The following RBMS3 variants were observed in gnomAD, a reference collection of about 807,000 sequenced individuals.
RBMS3 encodes RNA binding motif single stranded interacting protein 3, also known as RNA-binding motif, single-stranded-interacting protein 3.
In RBMS3, 27 loss-of-function variants were observed where a neutral mutation model predicts 66.8. The observed-to-expected ratio is 0.40, with a 90% CI of 0.30 to 0.56. The LOEUF is 0.56. Among genes scored for constraint, RBMS3 ranks in the 20% least tolerant of loss-of-function variants. RBMS3 has a pLI of 0.40. For missense variants in RBMS3, 513 were observed against 549.5 expected (o/e 0.93, Z 0.66); for synonymous variants, 188 against 183.0 (o/e 1.03, Z -0.22).
intron 4 of RBMS3, among the ~76,000 whole-genome samples, chr3:29,712,642 AAAG>A (rs1177317615): frequency 3.3e-5 from 5 of 152,178 alleles, no homozygotes; most frequent in African/African-American, 1.2e-4. Context: ...TAGACTGAGT[AAAG>A]AAGATCTGCC....
At chr3:30,003,351 T>C (rs1442906081) in intron 14 of RBMS3, among the ~76,000 whole-genome samples, 2 of 151,968 alleles carry the variant, frequency 1.3e-5, no homozygotes, top group Non-Finnish European at 2.9e-5. Context: ...CACAAATTTA[T>C]AATCTTGACA....
chr3:29,484,892 G>A (rs1041462430), intron 2 of RBMS3, among the ~76,000 whole-genome samples: 4 of 152,182 alleles, frequency 2.6e-5, no homozygotes, highest in African/African-American at 7.2e-5. Flanking sequence ...TATCAATATA[G>A]AAGGCATGTG....
intron 5 of RBMS3, among the ~76,000 whole-genome samples, chr3:29,759,734 G>A (rs1384755505): frequency 6.6e-6 from 1 of 152,000 alleles, no homozygotes; most frequent in African/African-American, 2.4e-5. Context: ...AGCTTTCTGG[G>A]TCTCAGTCTC....
At chr3:29,961,617 A>G (rs1162936212) in intron 12 of RBMS3, among the ~76,000 whole-genome samples, 3 of 152,130 alleles carry the variant, frequency 2.0e-5, no homozygotes, top group African/African-American at 7.2e-5. Flanking sequence ...GAAACTTACA[A>G]CAATCATGGT....
intron 6 of RBMS3, among the ~76,000 whole-genome samples, chr3:29,806,962 C>T (rs756126592): frequency 2.0e-5 from 3 of 151,792 alleles, no homozygotes; most frequent in African/African-American, 7.2e-5. Flanking sequence ...CGTCTGAGTC[C>T]TGAACATCTG....
chr3:29,434,607 T>C (rs1008533418), intron 1 of RBMS3, 136 bp from the exon 2 acceptor site: 2 of 1,191,598 alleles, frequency 1.7e-6, no homozygotes, highest in Non-Finnish European at 2.3e-6. Flanking sequence ...CAGAGAGTAG[T>C]GATATAAATG....
At chr3:29,975,146 T>C (rs1697498681) in intron 12 of RBMS3, among the ~76,000 whole-genome samples, 1 of 147,112 alleles carries the variant, frequency 6.8e-6, no homozygotes, top group Admixed American at 6.9e-5. Context: ...ATATATTTTA[T>C]ATATGCTTTA....
At chr3:29,864,475 T>C (rs1383295320) in intron 6 of RBMS3, among the ~76,000 whole-genome samples, 1 of 152,078 alleles carries the variant, frequency 6.6e-6, no homozygotes, top group East Asian at 1.9e-4. Context: ...ATCTTTTCCA[T>C]CAACACATCT....
intron 3 of RBMS3, among the ~76,000 whole-genome samples, chr3:29,581,458 C>A (rs1161553186): frequency 1.3e-5 from 2 of 152,150 alleles, no homozygotes; most frequent in Non-Finnish European, 2.9e-5. Context: ...AACCACCCCT[C>A]TCTCCCTGCA....
At chr3:29,532,939 G>A (rs1472012531) in intron 3 of RBMS3, among the ~76,000 whole-genome samples, 1 of 152,010 alleles carries the variant, frequency 6.6e-6, no homozygotes, top group Non-Finnish European at 1.5e-5. Context: ...ACCTATATAA[G>A]TAGTATTACT....
intron 6 of RBMS3, among the ~76,000 whole-genome samples, chr3:29,853,275 T>C (rs1317520863): frequency 6.6e-6 from 1 of 152,160 alleles, no homozygotes; most frequent in Non-Finnish European, 1.5e-5. Context: ...TTTACCTATG[T>C]AACAAAGCTG....
intron 10 of RBMS3, among the ~76,000 whole-genome samples, chr3:29,905,478 A>T (rs1034169594): frequency 6.6e-6 from 1 of 152,066 alleles, no homozygotes; most frequent in African/African-American, 2.4e-5. Flanking sequence ...TGCCATAACA[A>T]ATTTTACCAA....
chr3:29,765,245 G>A (rs2055872676), intron 6 of RBMS3, among the ~76,000 whole-genome samples: 1 of 151,948 alleles, frequency 6.6e-6, no homozygotes, highest in South Asian at 2.1e-4. Context: ...TTGGGTATAT[G>A]CTGTCTGCCT....
intron 4 of RBMS3, among the ~76,000 whole-genome samples, chr3:29,617,342 G>A (rs1488194942): frequency 6.6e-6 from 1 of 152,172 alleles, no homozygotes; most frequent in Non-Finnish European, 1.5e-5. Context: ...TGTTAAGAAG[G>A]TGGTACAAGA....
At chr3:29,590,789 A>C (rs2047706706) in intron 4 of RBMS3, among the ~76,000 whole-genome samples, 2 of 152,126 alleles carry the variant, frequency 1.3e-5, no homozygotes, top group Admixed American at 1.3e-4. Context: ...CTCAGTAGGA[A>C]GAAGGCCATA....
chr3:29,381,290 G>C (rs1035125393), intron 1 of RBMS3, among the ~76,000 whole-genome samples: 1 of 152,202 alleles, frequency 6.6e-6, no homozygotes, highest in South Asian at 2.1e-4. Context: ...GCAAGGAAGT[G>C]TAAGTGCTGA....
chr3:29,734,987 C>T (rs180938917), intron 4 of RBMS3, among the ~76,000 whole-genome samples: 3 of 152,194 alleles, frequency 2.0e-5, no homozygotes, highest in East Asian at 3.9e-4. Context: ...TAGCTACTTC[C>T]AGAGCATTTA....
intron 3 of RBMS3, among the ~76,000 whole-genome samples, chr3:29,551,979 A>G (rs2046195630): frequency 6.7e-6 from 1 of 149,006 alleles, no homozygotes; most frequent in South Asian, 2.1e-4. Flanking sequence ...AGTCTTCACA[A>G]ATAAAAATTG....
chr3:29,508,113 GC>G (rs1445772988), intron 3 of RBMS3, among the ~76,000 whole-genome samples: 2 of 152,024 alleles, frequency 1.3e-5, no homozygotes, highest in African/African-American at 4.8e-5. Context: ...ATAATATAAG[GC>G]CTCTCGTCAT....
Sources: gnomAD v4.1 joint callset for allele counts (sites outside exome capture counted in the v4.1 genomes callset) on GRCh38, gnomAD v4.1.1 for gene constraint, MANE v1.5 for transcripts, NCBI Gene and HGNC (gene_info 2026-07-23, HGNC 2026-07-21) for gene names.